C7orf57: variants seen among roughly 807,000 people sequenced by gnomAD.
C7orf57 encodes uncharacterized protein C7orf57.
In C7orf57, 33 loss-of-function variants were observed where a neutral mutation model predicts 39.0. The ratio of observed to expected loss-of-function variants is 0.85; its 90% confidence interval spans 0.64 to 1.13. The LOEUF (loss-of-function observed/expected upper bound fraction) is 1.13. Ranked by LOEUF, C7orf57 falls within the 50% of genes most tolerant of loss-of-function variation. The probability of loss-of-function intolerance (pLI) is 0.00; values close to 1 mark genes in which losing one functional copy is unlikely to be tolerated. For missense variants in C7orf57, 346 were observed against 362.3 expected, an observed-to-expected ratio of 0.95 and a Z score of 0.37; for synonymous variants, 124 against 137.1, an observed-to-expected ratio of 0.90 and a Z score of 0.67.
intron 8 of C7orf57, among the ~76,000 whole-genome samples, chr7:48,058,962 G>A (rs1205914131): frequency 6.6e-6 from 1 of 152,264 alleles, no homozygotes; most frequent in South Asian, 2.1e-4. Flanking sequence ...ACCTTTTAAC[G>A]TTTCAAATTA....
intron 2 of C7orf57, among the ~76,000 whole-genome samples, chr7:48,040,100 G>A (rs1790503936): frequency 6.6e-6 from 1 of 152,108 alleles, no homozygotes; most frequent in Non-Finnish European, 1.5e-5. Flanking sequence ...CTGGGATTTT[G>A]CCAACTCACT....
chr7:48,051,821 T>C (rs1380556993), intron 6 of C7orf57, among the ~76,000 whole-genome samples: 2 of 13,234 alleles, frequency 1.5e-4, no homozygotes, highest in Admixed American at 9.1e-4. Context: ...TCTCTTCTCT[T>C]TCTTTCTTTC....
At chr7:48,044,205 T>C (rs1583807340) in intron 4 of C7orf57, among the ~76,000 whole-genome samples, 1 of 151,386 alleles carries the variant, frequency 6.6e-6, no homozygotes, top group Non-Finnish European at 1.5e-5. Context: ...TCCGGAGAGG[T>C]GGAAATTAGC....
At chr7:48,046,704 T>C in intron 5 of C7orf57, 88 bp downstream of exon 5, 3 of 1,428,920 alleles carry the variant, frequency 2.1e-6, no homozygotes, top group Non-Finnish European at 2.8e-6. Context: ...TAGCTGCTGG[T>C]GGCGTCTTAT....
rs1279316126 is a variant in C7orf57 at position 48,051,817 on chromosome 7, C to CTT, written c.606-882_606-881insTT. 3.9e-4 allele frequency among the ~76,000 whole-genome samples: 20 copies of CTT among 51,178 alleles called. 3 individuals are homozygous for CTT. The highest frequency in any genetic ancestry group is 6.4e-4 in the Admixed American group (3 of 4,674). 33.6% of individuals were successfully genotyped at this position (51,178 alleles called of 152,430 possible). Reference sequence around the variant, plus strand: ...TTCTTTCCTTCCTTCCTTTTCTCTTCTCTTTCTTTCTTTCTTTCTTTCTTT... The same window carrying CTT: ...TTCTTTCCTTCCTTCCTTTTCTCTTCTTTCTTTCTTTCTTTCTTTCTTTCTTT... On this transcript the variant is annotated intron_variant, in intron 6 of 8. Coordinates refer to ENST00000348904, the MANE Select transcript of C7orf57 (RefSeq NM_001100159.3).
At chr7:48,044,986 T>C (rs1364993105) in intron 4 of C7orf57, among the ~76,000 whole-genome samples, 2 of 152,202 alleles carry the variant, frequency 1.3e-5, no homozygotes, top group Non-Finnish European at 2.9e-5. Context: ...ACATGGACTT[T>C]TTCTTCCCTT....
Position 48,035,679 on chromosome 7 carries a change from G to A in C7orf57, c.-102+49G>A, listed in dbSNP as rs1323747618. The A allele has an allele frequency of 1.6e-6, 1 of 629,622 alleles. No individual in the cohort carries two copies. The highest frequency in any genetic ancestry group is 2.9e-6 in the Non-Finnish European group (1 of 349,614). The allele number at this position is 629,622 out of a possible 1,614,324, so 39.0% of individuals were successfully genotyped here. On this transcript the variant is annotated intron_variant, in intron 1 of 8. Transcript: ENST00000348904. This position sits in a 1 kb window ranked among gnomAD's most constrained non-coding sequence, Gnocchi z 4.0. Reference sequence around the variant, plus strand: ...CAATGGGGGCGCCCACTGTGGTCCCGGGCCTTGTCCACTGTGCGGAGCTCG... The same window carrying A: ...CAATGGGGGCGCCCACTGTGGTCCCAGGCCTTGTCCACTGTGCGGAGCTCG...
At chr7:48,054,344 G>A (rs1166897956) in intron 7 of C7orf57, among the ~76,000 whole-genome samples, 2 of 151,406 alleles carry the variant, frequency 1.3e-5, no homozygotes, top group African/African-American at 4.9e-5. Context: ...AACCCAGGAG[G>A]CGGAGGTTGC....
At chr7:48,057,775 G>A (rs1376188546) in intron 8 of C7orf57, among the ~76,000 whole-genome samples, 2 of 152,032 alleles carry the variant, frequency 1.3e-5, no homozygotes, top group African/African-American at 2.4e-5. Context: ...TCTTTATTGT[G>A]TTGAGGTACA....
chr7:48,052,700 G>T lies in C7orf57; in HGVS notation c.606G>T (p.Val202=), dbSNP rs764016988. ...PAGSRLSFPP[V]PGQKNSSPTN... Reference sequence around the variant, plus strand: ...TCACATTACTTTTACTCTTTTTAAGGCCTGGTCAAAAAAACAGTTCACCTA... The same window carrying T: ...TCACATTACTTTTACTCTTTTTAAGTCCTGGTCAAAAAAACAGTTCACCTA... Residue 202 remains valine, a splice_region_variant and synonymous_variant, in exon 7 of 9, where the codon GTG becomes GTT. Transcript: ENST00000348904. 1.9e-6 allele frequency: 3 copies of T among 1,612,944 alleles called. No homozygotes were observed. Among genetic ancestry groups the T allele is most frequent in the South Asian group, 2.2e-5 (2 of 91,048 alleles).
intron 4 of C7orf57, among the ~76,000 whole-genome samples, chr7:48,044,867 G>T (rs1790668711): frequency 6.6e-6 from 1 of 152,178 alleles, no homozygotes; most frequent in Non-Finnish European, 1.5e-5. Context: ...GAGGTAAAAT[G>T]AAAAATCATT....
intron 6 of C7orf57, among the ~76,000 whole-genome samples, chr7:48,052,284 T>C: frequency 6.6e-6 from 1 of 152,258 alleles, no homozygotes; most frequent in East Asian, 1.9e-4. Flanking sequence ...TGTTGTTGTT[T>C]TTTGTTTTGT....
At chr7:48,054,861 G>T (rs1275925955) in intron 8 of C7orf57, among the ~76,000 whole-genome samples, 2 of 151,582 alleles carry the variant, frequency 1.3e-5, no homozygotes, top group South Asian at 2.1e-4. Flanking sequence ...TGATGATGAT[G>T]ATGATGATTA....
intron 6 of C7orf57, among the ~76,000 whole-genome samples, chr7:48,050,768 C>T (rs1790851439): frequency 6.6e-6 from 1 of 152,162 alleles, no homozygotes; most frequent in South Asian, 2.1e-4. Context: ...CTCCTGGGCG[C>T]AAGAAATCCT....
chr7:48,039,849 A>G (rs1790494970), intron 2 of C7orf57, among the ~76,000 whole-genome samples: 1 of 151,118 alleles, frequency 6.6e-6, no homozygotes, highest in South Asian at 2.1e-4. Flanking sequence ...GTACGTTCTG[A>G]TAAGTGGTAT....
intron 2 of C7orf57, among the ~76,000 whole-genome samples, chr7:48,038,337 A>G (rs180703390): frequency 6.6e-6 from 1 of 152,236 alleles, no homozygotes; most frequent in East Asian, 1.9e-4. Flanking sequence ...GCATTCTCCA[A>G]ACCAAAATAA....
intron 8 of C7orf57, 75 bp downstream of exon 8, chr7:48,054,681 A>G: frequency 1.5e-6 from 2 of 1,295,742 alleles, no homozygotes; most frequent in Middle Eastern, 3.7e-4. Flanking sequence ...ATAGTCCTGC[A>G]TTCTGAGACT....
intron 5 of C7orf57, among the ~76,000 whole-genome samples, chr7:48,048,523 C>T (rs143595975): frequency 4.8e-4 from 73 of 152,244 alleles, no homozygotes; most frequent in African/African-American, 1.6e-3. Context: ...GCAATACCTC[C>T]GTGGATTTTG....
intron 2 of C7orf57, among the ~76,000 whole-genome samples, chr7:48,039,744 CT>C (rs1790490025): frequency 2.0e-5 from 3 of 150,704 alleles, no homozygotes; most frequent in African/African-American, 7.4e-5. Context: ...GTGTTAGACT[CT>C]GAACATACTG....
Sources: allele counts gnomAD v4.1 joint callset (sites outside exome capture counted in the v4.1 genomes callset), GRCh38; gene constraint gnomAD v4.1.1; non-coding constraint Gnocchi (gnomAD v3.1); transcripts MANE v1.5; gene names NCBI Gene and HGNC (gene_info 2026-07-23, HGNC 2026-07-21).